Variants in GPAT3 observed in about 807,000 individuals in gnomAD.
The protein encoded by GPAT3 is glycerol-3-phosphate acyltransferase 3, also known as 1-AGP acyltransferase 9.
A neutral mutation model predicts 58.8 loss-of-function variants in GPAT3; 53 were observed. That is an observed-to-expected ratio of 0.90 (90% CI 0.72 to 1.13). The LOEUF is 1.13. Ranked by LOEUF, GPAT3 falls within the 50% of genes most tolerant of loss-of-function variation. The pLI, the probability that GPAT3 is intolerant of heterozygous loss-of-function variation, is 0.00. For synonymous variants in GPAT3, 197 were observed against 187.4 expected, an observed-to-expected ratio of 1.05 and a Z score of -0.42; for missense variants, 511 against 527.6, an observed-to-expected ratio of 0.97 and a Z score of 0.31.
intron 2 of GPAT3, among the ~76,000 whole-genome samples, chr4:83,554,779 T>C (rs1475357259): frequency 2.0e-5 from 3 of 151,102 alleles, no homozygotes; most frequent in East Asian, 3.9e-4. Flanking sequence ...CTTCTACACA[T>C]GGAATGGAAT....
intron 2 of GPAT3, among the ~76,000 whole-genome samples, chr4:83,555,260 G>A (rs1724906658): frequency 6.6e-6 from 1 of 152,172 alleles, no homozygotes; most frequent in African/African-American, 2.4e-5. Context: ...GAGATGACTG[G>A]TGGCTGGGAG....
At chr4:83,570,340 C>T (rs1725556348) in intron 2 of GPAT3, among the ~76,000 whole-genome samples, 2 of 152,170 alleles carry the variant, frequency 1.3e-5, no homozygotes. Flanking sequence ...TATATACAGC[C>T]TGGCATCAGG....
chr4:83,560,879 A>G (rs1725103785), intron 2 of GPAT3, among the ~76,000 whole-genome samples: 1 of 151,946 alleles, frequency 6.6e-6, no homozygotes, highest in African/African-American at 2.4e-5. Flanking sequence ...GCCTGTCCCC[A>G]CTTTTGCCTT....
chr4:83,536,441 G>A lies in GPAT3; in HGVS notation c.-182G>A. 1 of 1,407,744 alleles carries A rather than the reference G, an allele frequency of 7.1e-7. No homozygotes were observed. The highest frequency in any genetic ancestry group is 2.6e-5 in the East Asian group (1 of 38,514). 87.2% of individuals were successfully genotyped at this position (1,407,744 alleles called of 1,614,324 possible). A position where few individuals can be genotyped will look rare whatever the true frequency, so the allele number is the denominator to read the frequency against. Reference sequence around the variant, plus strand: ...CTGGCAGGGGCGAGGAGGAGCCCAGGGAGGAAGGAAGGATATTGCCGTAAT... The same window carrying A: ...CTGGCAGGGGCGAGGAGGAGCCCAGAGAGGAAGGAAGGATATTGCCGTAAT... On this transcript the variant is annotated 5_prime_UTR_variant, in exon 1 of 12. Coordinates refer to ENST00000264409, the MANE Select transcript of GPAT3 (RefSeq NM_032717.5).
At chr4:83,544,760 AT>A in intron 2 of GPAT3, 158 bp downstream of exon 2, 1 of 685,638 alleles carries the variant, frequency 1.5e-6, no homozygotes. Context: ...CAGAGTTTTC[AT>A]GGACTTTTTA....
At chr4:83,535,639 TG>T, upstream of GPAT3, 5 of 919,340 alleles carry the variant, frequency 5.4e-6, no homozygotes, top group Non-Finnish European at 6.5e-6. Context: ...AGGGTTTCTG[TG>T]CCAGGGAGAT....
intron 2 of GPAT3, among the ~76,000 whole-genome samples, chr4:83,553,421 A>G (rs78878846): frequency 0.015 from 2,216 of 152,272 alleles, 42 homozygotes; most frequent in African/African-American, 0.05. Flanking sequence ...CTCTATTTTC[A>G]GTGAAACTAG....
chr4:83,598,977 TGGGG>T, intron 11 of GPAT3, among the ~76,000 whole-genome samples: 1 of 151,682 alleles, frequency 6.6e-6, no homozygotes, highest in Non-Finnish European at 1.5e-5. Flanking sequence ...TTTGTAGAGA[TGGGG>T]TGTCCTTGTG....
chr4:83,537,065 G>A (rs1237765035), intron 1 of GPAT3, among the ~76,000 whole-genome samples: 1 of 152,090 alleles, frequency 6.6e-6, no homozygotes, highest in Non-Finnish European at 1.5e-5. Context: ...ACAACAATGC[G>A]ACCAACTTTT....
At chr4:83,579,076 TTCTTC>T (rs1560621401) in intron 2 of GPAT3, among the ~76,000 whole-genome samples, 744 of 29,976 alleles carry the variant, frequency 0.025, 68 homozygotes, top group Admixed American at 0.034. Flanking sequence ...CTTTCTTTCT[TTCTTC>T]CCTTCCTTCC....
chr4:83,593,489 A>G (rs933499507), intron 6 of GPAT3, among the ~76,000 whole-genome samples: 1 of 152,072 alleles, frequency 6.6e-6, no homozygotes, highest in Non-Finnish European at 1.5e-5. Context: ...TATTTCTAAT[A>G]TTTACATTGG....
At chr4:83,589,879 G>A (rs1726528563) in intron 5 of GPAT3, among the ~76,000 whole-genome samples, 1 of 152,086 alleles carries the variant, frequency 6.6e-6, no homozygotes, top group Admixed American at 6.6e-5. Flanking sequence ...ATCACTTGAG[G>A]TCAGGAGTTT....
Position 83,604,895 on chromosome 4 carries a change from C to A in GPAT3, c.*128C>A. 1.3e-6 allele frequency: 1 copy of A among 795,254 alleles called. No individual in the cohort carries two copies. The highest frequency in any genetic ancestry group is 1.9e-6 in the Non-Finnish European group (1 of 516,044). The allele number at this position is 795,254 out of a possible 1,614,324, so 49.3% of individuals were successfully genotyped here. A position where few individuals can be genotyped will look rare whatever the true frequency, so the allele number is the denominator to read the frequency against. On this transcript the variant is annotated 3_prime_UTR_variant, in exon 12 of 12. Coordinates refer to ENST00000264409, the MANE Select transcript of GPAT3 (RefSeq NM_032717.5). ...TTTTCTACAGAATGATTGTCTCTAC[C>A]TCTTTATGCCAGAGGCAGAACCTAC...
intron 2 of GPAT3, among the ~76,000 whole-genome samples, chr4:83,556,540 T>A (rs1181064821): frequency 1.3e-5 from 2 of 150,208 alleles, no homozygotes; most frequent in African/African-American, 4.9e-5. Flanking sequence ...AAAAGGGAAC[T>A]CTGCCTGTTA....
rs752653612 is a variant in GPAT3 at position 83,581,797 on chromosome 4, C to T, written c.444C>T (p.Gly148=). 9.9e-6 allele frequency: 16 copies of T among 1,613,816 alleles called. No homozygotes were observed. The highest frequency in any genetic ancestry group is 6.7e-5 in the East Asian group (3 of 44,888). The change falls in exon 3 of 12, where the codon GGC becomes GGT. Residue 148 remains glycine, a synonymous_variant. Coordinates refer to ENST00000264409, the MANE Select transcript of GPAT3 (RefSeq NM_032717.5). ...GGCTCACTATGGTGTGGGTGCTGGG[C>T]GTCATAGTGCGCTATTGTGTCCTAC... ...SLRLTMVWVL[G]VIVRYCVLLP...
chr4:83,557,474 G>A (rs1325964294), intron 2 of GPAT3, among the ~76,000 whole-genome samples: 1 of 151,720 alleles, frequency 6.6e-6, no homozygotes, highest in Non-Finnish European at 1.5e-5. Context: ...CATTGTCTTG[G>A]GCCACACATA....
intron 11 of GPAT3, among the ~76,000 whole-genome samples, chr4:83,599,689 G>T (rs763893489): frequency 2.6e-5 from 4 of 152,132 alleles, no homozygotes; most frequent in Non-Finnish European, 5.9e-5. Context: ...TTTAGTTATG[G>T]ATCACTATGG....
chr4:83,588,824 T>C (rs1223053053), intron 5 of GPAT3, among the ~76,000 whole-genome samples: 1 of 152,220 alleles, frequency 6.6e-6, no homozygotes, highest in Non-Finnish European at 1.5e-5. Flanking sequence ...AAAATTCTGC[T>C]TTTCTCTCCC....
Position 83,587,330 on chromosome 4 carries a change from G to T in GPAT3, c.554+1G>T, listed in dbSNP as rs762786473. 10 of 1,612,590 alleles carry T rather than the reference G, an allele frequency of 6.2e-6. 1 individual carries two copies. In the East Asian group the frequency reaches 2.2e-4, roughly 36 times the overall value. ...TGGTTGGGCAGCTGCCAGACAGCAG[G>T]TGAAATGTTTCCTTCCATCCAGCCA... On this transcript the variant is annotated splice_donor_variant, in intron 4 of 11. Coordinates refer to ENST00000264409, the MANE Select transcript of GPAT3 (RefSeq NM_032717.5). LOFTEE classifies it high-confidence loss of function.
Sources: allele counts gnomAD v4.1 joint callset (sites outside exome capture counted in the v4.1 genomes callset), GRCh38; gene constraint gnomAD v4.1.1; transcripts MANE v1.5; gene names NCBI Gene and HGNC (gene_info 2026-07-23, HGNC 2026-07-21).